The following POU2F2 variants were observed in gnomAD, a reference collection of about 807,000 sequenced individuals.
POU2F2 encodes POU class 2 homeobox 2.
Under a neutral mutation model 63.5 loss-of-function variants are expected in POU2F2, and 14 were observed. The ratio of observed to expected loss-of-function variants is 0.22; its 90% confidence interval spans 0.15 to 0.34. POU2F2 has a LOEUF of 0.34. Ranked by LOEUF, POU2F2 falls within the 10% of genes least tolerant of loss-of-function variation. POU2F2 has a pLI of 1.00. For missense variants in POU2F2, 607 were observed against 815.2 expected (o/e 0.74, Z 3.11); for synonymous variants, 306 against 348.6 (o/e 0.88, Z 1.36).
upstream of POU2F2, among the ~76,000 whole-genome samples, chr19:42,178,316 A>T (rs371905975): frequency 1.3e-5 from 2 of 152,132 alleles, no homozygotes; most frequent in East Asian, 1.9e-4. Context: ...ATAGTGAAAA[A>T]ATATATATGG....
Position 42,092,151 on chromosome 19 carries a change from G to T in POU2F2, c.1384C>A (p.Pro462Thr), listed in dbSNP as rs780871247. 1 of 1,584,508 alleles carries T rather than the reference G, an allele frequency of 6.3e-7. No individual in the cohort carries two copies. The highest frequency in any genetic ancestry group is 1.8e-5 in the Admixed American group (1 of 54,846). ...NSIPSVTPPP[P>T]ATTNSTNPSP... ...GGGTTTGTGCTGTTGGTGGTGGCCG[G>T]GGGTGGGGGAGTGACAGAGGGGATG... The change falls in exon 13 of 15, where the codon CCG becomes ACG. Residue 462 changes from proline (P) to threonine (T), a missense_variant. By Grantham distance (38) the Pro-to-Thr change is conservative. Transcript: ENST00000692977. The surrounding 1 kb of genome is among the most constrained non-coding windows in gnomAD (Gnocchi z 5.0).
intron 5 of POU2F2, among the ~76,000 whole-genome samples, chr19:42,112,494 C>T (rs1343427522): frequency 6.6e-6 from 1 of 152,158 alleles, no homozygotes; most frequent in East Asian, 1.9e-4. Flanking sequence ...CTCAGCCACC[C>T]GAGTAGCTAG....
chr19:42,134,910 G>A (rs1482665861), upstream of POU2F2, among the ~76,000 whole-genome samples: 1 of 152,052 alleles, frequency 6.6e-6, no homozygotes, highest in Non-Finnish European at 1.5e-5. Context: ...TTATTAGAGC[G>A]AGGTCCCCCG....
upstream of POU2F2, among the ~76,000 whole-genome samples, chr19:42,178,358 G>C (rs912179214): frequency 6.6e-6 from 1 of 152,096 alleles, no homozygotes; most frequent in African/African-American, 2.4e-5. Flanking sequence ...CAAAGACAGA[G>C]ACACAGAAAT....
Position 42,096,488 on chromosome 19 carries a change from C to T in POU2F2, c.568-245G>A, listed in dbSNP as rs1411485101. On this transcript the variant is annotated intron_variant, in intron 7 of 14. Coordinates refer to ENST00000692977, the MANE Select transcript of POU2F2 (RefSeq NM_001394376.1). The surrounding 1 kb of genome is among the most constrained non-coding windows in gnomAD (Gnocchi z 4.1). Reference sequence around the variant, plus strand: ...TTTCCTCATTGCCTGGGACTCTCTGCACTGTCCCTTCACGCCTGCGAACTC... The same window carrying T: ...TTTCCTCATTGCCTGGGACTCTCTGTACTGTCCCTTCACGCCTGCGAACTC... Among the ~76,000 whole-genome samples, 3 of 152,258 alleles carry T rather than the reference C, an allele frequency of 2.0e-5. No homozygotes were observed. Among genetic ancestry groups the T allele is most frequent in the African/African-American group, 4.8e-5 (2 of 41,462 alleles).
At chr19:42,160,159 G>A (rs536998198) in intron 2 of POU2F2, among the ~76,000 whole-genome samples, 1 of 152,210 alleles carries the variant, frequency 6.6e-6, no homozygotes, top group Non-Finnish European at 1.5e-5. Context: ...AAAGCCACAG[G>A]ATGCATGGAG....
At chr19:42,101,989 A>G (rs1349855780) in intron 5 of POU2F2, among the ~76,000 whole-genome samples, 1 of 152,036 alleles carries the variant, frequency 6.6e-6, no homozygotes, top group African/African-American at 2.4e-5. Context: ...AAAAAAAAAA[A>G]AAAGAAAGCT....
chr19:42,093,158 A>G (rs2076796563), intron 12 of POU2F2, among the ~76,000 whole-genome samples: 1 of 150,958 alleles, frequency 6.6e-6, no homozygotes, highest in Admixed American at 6.6e-5. Context: ...TTACAGACAC[A>G]CGCCACCACG....
At chr19:42,186,254 G>A (rs2035012036) in intron 1 of POU2F2, among the ~76,000 whole-genome samples, 1 of 152,120 alleles carries the variant, frequency 6.6e-6, no homozygotes, top group South Asian at 2.1e-4. Flanking sequence ...GAACCCGGGA[G>A]GCAGAGCTTG....
chr19:42,123,087 T>A (rs1327975813), intron 1 of POU2F2: 2 of 152,754 alleles, frequency 1.3e-5, no homozygotes, highest in African/African-American at 2.4e-5. Context: ...GATCTCAGCA[T>A]GTGTGATTCA....
chr19:42,128,588 C>G (rs1600150577), intron 1 of POU2F2, among the ~76,000 whole-genome samples: 2 of 152,320 alleles, frequency 1.3e-5, no homozygotes, highest in Middle Eastern at 6.8e-3. Context: ...ACAGGGAGCT[C>G]CATTTCCACC....
chr19:42,131,474 G>A (rs1374342270), intron 1 of POU2F2, among the ~76,000 whole-genome samples: 4 of 152,134 alleles, frequency 2.6e-5, no homozygotes, highest in African/African-American at 9.7e-5. Context: ...CTGAGTGCTT[G>A]CCATGTTCCA....
rs775249997 is a variant in POU2F2 at position 42,122,559 on chromosome 19, G to A, written c.46C>T (p.Pro16Ser). The change falls in exon 2 of 15, where the codon CCC becomes TCC. Residue 16 changes from proline to serine, a missense_variant. Physicochemically the swap from Pro to Ser is moderately conservative, Grantham distance 74 (BLOSUM62 -1). Coordinates refer to ENST00000692977, the MANE Select transcript of POU2F2 (RefSeq NM_001394376.1). ...MGAPEIRMSK[P>S]LEAEKQGLDS... ...AGACCTTGCTTCTCGGCCTCCAGGG[G>A]CTTAGACATTCTTATTTCTGGGGAC... The A allele has an allele frequency of 1.3e-6, 2 of 1,593,586 alleles. No individual in the cohort carries two copies. The highest frequency in any genetic ancestry group is 1.7e-6 in the Non-Finnish European group (2 of 1,170,568).
At chr19:42,101,951 C>T (rs1311921059) in intron 5 of POU2F2, among the ~76,000 whole-genome samples, 5 of 147,820 alleles carry the variant, frequency 3.4e-5, no homozygotes, top group Admixed American at 2.1e-4. Context: ...CACTCCAGCT[C>T]GGGCAACAGT....
intron 3 of POU2F2, 22 bp downstream of exon 3, chr19:42,122,322 C>T (rs563671268): frequency 1.4e-5 from 23 of 1,603,570 alleles, no homozygotes; most frequent in South Asian, 4.4e-5. Context: ...CACCCCCTCC[C>T]GCTTATCCAC....
At chr19:42,174,732 C>T (rs368292145) in intron 1 of POU2F2, among the ~76,000 whole-genome samples, 3 of 151,872 alleles carry the variant, frequency 2.0e-5, no homozygotes, top group Non-Finnish European at 4.4e-5. Flanking sequence ...TCTGTACCCA[C>T]CAGCCCCCCA....
At chr19:42,111,738 GCCA>G (rs1456579154) in intron 5 of POU2F2, among the ~76,000 whole-genome samples, 2 of 152,222 alleles carry the variant, frequency 1.3e-5, no homozygotes, top group South Asian at 2.1e-4. Context: ...CCTGGCTCAA[GCCA>G]CCCTCATGTC....
Position 42,187,761 on chromosome 19 carries a change from C to CAAAAAA in POU2F2, c.-70+8616_-70+8621dup, listed in dbSNP as rs745767404. 1.8e-4 allele frequency among the ~76,000 whole-genome samples: 9 copies of CAAAAAA among 49,920 alleles called. 1 individual carries two copies. Among genetic ancestry groups the CAAAAAA allele is most frequent in the African/African-American group, 3.0e-4 (4 of 13,198 alleles). 32.7% of individuals were successfully genotyped at this position (49,920 alleles called of 152,430 possible). On this transcript the variant is annotated intron_variant, in intron 1 of 5. Coordinates refer to the POU2F2 transcript ENST00000532176. ...TGACCGACAGAGCGAGACTCCATCACAAAAAAAAAAAAAAAAAAACAGGTG... is the reference window on the plus strand; with the variant it reads ...TGACCGACAGAGCGAGACTCCATCACAAAAAAAAAAAAAAAAAAAAAAAAACAGGTG...
chr19:42,139,560 C>T (rs1236996350), intron 2 of POU2F2, among the ~76,000 whole-genome samples: 3 of 152,128 alleles, frequency 2.0e-5, no homozygotes, highest in African/African-American at 7.2e-5. Flanking sequence ...TTGCCTCAGT[C>T]TCCTGAGTAG....
Sources: gnomAD v4.1 joint callset for allele counts (sites outside exome capture counted in the v4.1 genomes callset) on GRCh38, gnomAD v4.1.1 for gene constraint, Gnocchi (gnomAD v3.1) non-coding constraint, MANE v1.5 for transcripts, NCBI Gene and HGNC (gene_info 2026-07-23, HGNC 2026-07-21) for gene names.